The following PLCG2 variants were observed in gnomAD, a reference collection of about 807,000 sequenced individuals.
PLCG2 encodes the protein 1-phosphatidylinositol 4,5-bisphosphate phosphodiesterase gamma-2.
Under a neutral mutation model 175.6 loss-of-function variants are expected in PLCG2, and 69 were observed. That is an observed-to-expected ratio of 0.39 (90% CI 0.32 to 0.48). The LOEUF (loss-of-function observed/expected upper bound fraction) is 0.48. Ranked by LOEUF, PLCG2 falls within the 20% of genes least tolerant of loss-of-function variation. The pLI is 0.91. For missense variants in PLCG2, 1,798 were observed against 1,650.9 expected, an observed-to-expected ratio of 1.09 and a Z score of -1.54; for synonymous variants, 827 against 624.0, an observed-to-expected ratio of 1.33 and a Z score of -4.85.
At chr16:81,923,622 C>A (rs4485361) in intron 22 of PLCG2, 28 bp downstream of exon 22, 1 of 1,388,366 alleles carries the variant, frequency 7.2e-7, no homozygotes, top group Non-Finnish European at 1.0e-6. Flanking sequence ...CTGGGCTGCT[C>A]GGCAGGTGGG....
At chr16:81,774,084 C>T (rs1257472924) in intron 2 of PLCG2, among the ~76,000 whole-genome samples, 1 of 147,210 alleles carries the variant, frequency 6.8e-6, no homozygotes, top group African/African-American at 2.5e-5. Context: ...GTAATCCTAG[C>T]ACTTTGGGAA....
Position 81,936,229 on chromosome 16 carries a change from G to A in PLCG2, c.2903G>A (p.Arg968Lys). Residue 968 changes from arginine to lysine, a missense_variant, in exon 27 of 33, where the codon AGA (arginine) becomes AAA (lysine). Arg to Lys is a conservative substitution (Grantham distance 26, BLOSUM62 2). Coordinates refer to ENST00000564138, the MANE Select transcript of PLCG2 (RefSeq NM_002661.5). ...GAGACGAAGGCTGACAGCATCATCA[G>A]ACAGAAGCCCGTCGACCTCCTGAAG... ...FVETKADSII[R>K]QKPVDLLKYN... 1 of 1,614,150 alleles carries A rather than the reference G, an allele frequency of 6.2e-7. No homozygotes were observed. Among genetic ancestry groups the A allele is most frequent in the Non-Finnish European group, 8.5e-7 (1 of 1,180,038 alleles).
At chr16:81,784,294 C>T (rs11861147) in intron 1 of PLCG2, among the ~76,000 whole-genome samples, 64,700 of 151,736 alleles carry the variant, frequency 0.43, 13,952 homozygotes, top group South Asian at 0.64. Context: ...AATGCCTTCC[C>T]CAATGGCTGA....
At chr16:81,874,948 G>GTTTTT (rs770994063) in intron 7 of PLCG2, among the ~76,000 whole-genome samples, 104 of 40,706 alleles carry the variant, frequency 2.6e-3, no homozygotes, top group Non-Finnish European at 3.3e-3. Context: ...TATCCTATGT[G>GTTTTT]TTTTTTTTTT....
rs1028778019 is a variant in PLCG2, at chr16:81,881,097, C to T, written c.692+144C>T. ...GGGCCCCTGCTGGGGAATTGGCCAT[C>T]CCATGCCTGTGGCGTGGATAGAGAT... On this transcript the variant is annotated intron_variant, in intron 8 of 32. Transcript: ENST00000564138. The T allele has an allele frequency of 4.1e-5, 31 of 748,458 alleles. No homozygotes were observed. The East Asian group carries it at 7.4e-4, about 18-fold the overall frequency. The allele number at this position is 748,458 out of a possible 1,614,324, so 46.4% of individuals were successfully genotyped here.
Position 81,862,970 on chromosome 16 carries a change from C to T in PLCG2, c.479+3807C>T, listed in dbSNP as rs78315151. Reference sequence around the variant, plus strand: ...AAATGCAGAAATCTTCCCTTCCCCACCCTGACCAATCACCTTATGATTAAA... The same window carrying T: ...AAATGCAGAAATCTTCCCTTCCCCATCCTGACCAATCACCTTATGATTAAA... On this transcript the variant is annotated intron_variant, in intron 5 of 32. Transcript: ENST00000564138. Among the ~76,000 whole-genome samples the T allele has an allele frequency of 4.4e-3, 673 of 152,214 alleles. 8 individuals are homozygous for T. The highest frequency in any genetic ancestry group is 0.016 in the African/African-American group (660 of 41,492).
At chr16:81,943,608 C>T (rs1911039900) in intron 30 of PLCG2, among the ~76,000 whole-genome samples, 1 of 152,176 alleles carries the variant, frequency 6.6e-6, no homozygotes, top group Admixed American at 6.5e-5. Context: ...ATTAGAGATG[C>T]AGAATCTCAG....
chr16:81,793,539 C>G (rs1047287433), intron 2 of PLCG2, among the ~76,000 whole-genome samples: 1 of 152,174 alleles, frequency 6.6e-6, no homozygotes, highest in African/African-American at 2.4e-5. Flanking sequence ...TTTATCCTGA[C>G]ATTTTCACTT....
chr16:81,939,017 C>A, intron 29 of PLCG2, 102 bp downstream of exon 29: 1 of 691,666 alleles, frequency 1.4e-6, no homozygotes, highest in Admixed American at 2.4e-5. Context: ...TTTAGTTGTC[C>A]CAGGGTTTTC....
At chr16:81,855,269 T>C (rs7192266) in intron 3 of PLCG2, among the ~76,000 whole-genome samples, 39,141 of 151,738 alleles carry the variant, frequency 0.26, 5,544 homozygotes, top group Non-Finnish European at 0.32. Flanking sequence ...GCAAATCTGA[T>C]TGATCTGAAG....
intron 14 of PLCG2, among the ~76,000 whole-genome samples, chr16:81,902,940 A>G (rs1421979964): frequency 6.6e-6 from 1 of 152,174 alleles, no homozygotes; most frequent in Non-Finnish European, 1.5e-5. Context: ...CTATCACAAG[A>G]ACAGCACGTG....
At chr16:81,748,806 T>C (rs1442199976) in intron 1 of PLCG2, among the ~76,000 whole-genome samples, 1 of 152,182 alleles carries the variant, frequency 6.6e-6, no homozygotes, top group Non-Finnish European at 1.5e-5. Context: ...TTATCCTCAT[T>C]ACAACCCTGT....
At chr16:81,804,369 C>T (rs1281322396) in intron 2 of PLCG2, among the ~76,000 whole-genome samples, 2 of 152,120 alleles carry the variant, frequency 1.3e-5, no homozygotes, top group Non-Finnish European at 2.9e-5. Flanking sequence ...AGACAGTGTC[C>T]TATTTTCAAC....
intron 22 of PLCG2, 142 bp downstream of exon 22, chr16:81,923,736 G>A (rs1038707211): frequency 1.8e-6 from 1 of 567,152 alleles, no homozygotes. Flanking sequence ...TCCCTTCTTA[G>A]GAAGGTGGCT....
At chr16:81,772,278 T>G (rs8059364) in intron 2 of PLCG2, among the ~76,000 whole-genome samples, 151,541 of 152,242 alleles carry the variant, frequency 1, 75,429 homozygotes, top group Middle Eastern at 1. Flanking sequence ...AAGGAGCGCA[T>G]GATCACCACC....
chr16:81,933,443 C>A (rs1910585585), intron 25 of PLCG2, among the ~76,000 whole-genome samples: 1 of 152,198 alleles, frequency 6.6e-6, no homozygotes, highest in Admixed American at 6.5e-5. Flanking sequence ...TCATTGATGG[C>A]AGAGGGCAGT....
chr16:81,815,168 C>A (rs892684043), intron 2 of PLCG2, among the ~76,000 whole-genome samples: 2 of 152,134 alleles, frequency 1.3e-5, no homozygotes, highest in Non-Finnish European at 2.9e-5. Context: ...CGCTCTGGAA[C>A]GCCTCTTCAT....
intron 2 of PLCG2, among the ~76,000 whole-genome samples, chr16:81,825,664 T>A (rs1905018439): frequency 6.6e-6 from 1 of 152,214 alleles, no homozygotes. Flanking sequence ...TAATTGTAAC[T>A]TTAATGGCAA....
intron 7 of PLCG2, among the ~76,000 whole-genome samples, chr16:81,871,775 T>G (rs2143535460): frequency 6.6e-6 from 1 of 152,306 alleles, no homozygotes; most frequent in Admixed American, 6.5e-5. Context: ...AGGGAAAACA[T>G]CGGGGCCTGA....
Sources: gnomAD v4.1 joint callset for allele counts (sites outside exome capture counted in the v4.1 genomes callset) on GRCh38, gnomAD v4.1.1 for gene constraint, MANE v1.5 for transcripts, NCBI Gene and HGNC (gene_info 2026-07-23, HGNC 2026-07-21) for gene names.